ITPR1: variants seen among roughly 807,000 people sequenced by gnomAD.
ITPR1 encodes inositol 1,4,5-trisphosphate-gated calcium channel ITPR1.
A neutral mutation model predicts 318.4 loss-of-function variants in ITPR1; 96 were observed. The ratio of observed to expected loss-of-function variants is 0.30; its 90% CI spans 0.26 to 0.36. The LOEUF is 0.36. Ranked by LOEUF, ITPR1 falls within the 10% of genes least tolerant of loss-of-function variation. ITPR1 has a pLI of 1.00. For synonymous variants in ITPR1, 1,312 were observed against 1,289.9 expected, an observed-to-expected ratio of 1.02 and a Z score of -0.37; for missense variants, 2,440 against 3,460.2, an observed-to-expected ratio of 0.71 and a Z score of 7.40.
chr3:4,603,290 A>G (rs1351504719), intron 4 of ITPR1, among the ~76,000 whole-genome samples: 1 of 152,076 alleles, frequency 6.6e-6, no homozygotes, highest in Non-Finnish European at 1.5e-5. Flanking sequence ...GGTTTATTAC[A>G]TGAGTATATT....
At chr3:4,549,648 T>C (rs2124995431) in intron 4 of ITPR1, among the ~76,000 whole-genome samples, 2 of 152,260 alleles carry the variant, frequency 1.3e-5, no homozygotes, top group Non-Finnish European at 2.9e-5. Flanking sequence ...ATCTGAAAAG[T>C]GGGGCTGCCG....
At chr3:4,715,956 C>G (rs566516623) in intron 39 of ITPR1, among the ~76,000 whole-genome samples, 5 of 152,142 alleles carry the variant, frequency 3.3e-5, no homozygotes, top group Non-Finnish European at 4.4e-5. Context: ...TAAAAAAAAT[C>G]TTTAATTCTT....
chr3:4,754,024 G>A (rs754153586), intron 44 of ITPR1, among the ~76,000 whole-genome samples: 6 of 139,792 alleles, frequency 4.3e-5, no homozygotes, highest in South Asian at 5.1e-4. Context: ...TCACTGAGCC[G>A]TGTGACTGCA....
At chr3:4,583,878 C>G (rs1337936008) in intron 4 of ITPR1, among the ~76,000 whole-genome samples, 1 of 152,158 alleles carries the variant, frequency 6.6e-6, no homozygotes, top group Non-Finnish European at 1.5e-5. Flanking sequence ...GTTTACACAT[C>G]AGATACATAG....
intron 46 of ITPR1, among the ~76,000 whole-genome samples, chr3:4,769,849 A>G (rs760717015): frequency 2.8e-4 from 43 of 152,202 alleles, no homozygotes; most frequent in Admixed American, 3.9e-4. Context: ...CCGAGGATGG[A>G]TCGTAGAGAT....
chr3:4,681,345 G>A lies in ITPR1; in HGVS notation c.3107-19G>A, dbSNP rs748580428. 10 of 1,592,878 alleles carry A rather than the reference G, an allele frequency of 6.3e-6. No individual in the cohort carries two copies. The highest frequency in any genetic ancestry group is 8.6e-6 in the Non-Finnish European group (10 of 1,160,926). ...TGCAGACCTTCCTGCATCTGAAGTG[G>A]TATGTTCTAACTTTTCAGGTGCTCT... is the stretch of plus-strand genomic sequence containing the variant. On this transcript the variant is annotated intron_variant, in intron 25 of 61. Transcript: ENST00000649015.
At chr3:4,814,735 G>T in intron 58 of ITPR1, 173 bp downstream of exon 58, 2 of 669,016 alleles carry the variant, frequency 3.0e-6, no homozygotes, top group South Asian at 2.0e-5. Context: ...CACGTGAGGT[G>T]GTGCCGCAAA....
chr3:4,533,303 A>C (rs1007644574), intron 4 of ITPR1, among the ~76,000 whole-genome samples: 7 of 152,200 alleles, frequency 4.6e-5, no homozygotes, highest in African/African-American at 1.7e-4. Context: ...CTGGGGAGAC[A>C]CTACAGCGTG....
chr3:4,550,154 A>C (rs2085413186), intron 4 of ITPR1, among the ~76,000 whole-genome samples: 1 of 152,016 alleles, frequency 6.6e-6, no homozygotes, highest in South Asian at 2.1e-4. Flanking sequence ...CCAGAAAGCT[A>C]TTCTCGGTGG....
chr3:4,649,490 G>A (rs1438144207), intron 10 of ITPR1, among the ~76,000 whole-genome samples: 1 of 152,160 alleles, frequency 6.6e-6, no homozygotes, highest in African/African-American at 2.4e-5. Context: ...ATGCTCATTA[G>A]CAGTCATTCC....
intron 4 of ITPR1, among the ~76,000 whole-genome samples, chr3:4,561,214 A>T (rs1194339160): frequency 1.3e-5 from 2 of 152,198 alleles, no homozygotes; most frequent in Admixed American, 6.5e-5. Context: ...CTAGTAGCTG[A>T]TTCTTTCTGG....
intron 44 of ITPR1, among the ~76,000 whole-genome samples, chr3:4,754,277 A>AT (rs1463620963): frequency 6.6e-6 from 1 of 152,136 alleles, no homozygotes; most frequent in Non-Finnish European, 1.5e-5. Flanking sequence ...TGCCACCCCC[A>AT]TGGAGGAACA....
At chr3:4,808,858 C>T (rs1456075798) in intron 55 of ITPR1, among the ~76,000 whole-genome samples, 2 of 144,248 alleles carry the variant, frequency 1.4e-5, no homozygotes, top group South Asian at 2.1e-4. Context: ...TAAACTGCTG[C>T]CCCCCCTCCC....
At chr3:4,733,051 A>G in intron 42 of ITPR1, 37 bp from the exon 43 acceptor site, 1 of 1,598,232 alleles carries the variant, frequency 6.3e-7, no homozygotes, top group Non-Finnish European at 8.5e-7. Context: ...GATGCATTAA[A>G]TGCAGAAGCT....
At chr3:4,773,092 G>A (rs1056117639) in intron 46 of ITPR1, among the ~76,000 whole-genome samples, 2 of 152,330 alleles carry the variant, frequency 1.3e-5, no homozygotes, top group Non-Finnish European at 2.9e-5. Context: ...TGAGTTGATC[G>A]GTCCCTCTGT....
At chr3:4,581,948 A>AT (rs35208300) in intron 4 of ITPR1, among the ~76,000 whole-genome samples, 25,007 of 147,330 alleles carry the variant, frequency 0.17, 3,669 homozygotes, top group East Asian at 0.47. Flanking sequence ...TTTTTTTAGG[A>AT]TTTTTTTTTT....
chr3:4,514,850 C>T (rs1159164497), intron 2 of ITPR1, among the ~76,000 whole-genome samples: 2 of 152,148 alleles, frequency 1.3e-5, no homozygotes, highest in Non-Finnish European at 2.9e-5. Flanking sequence ...TTTGTGCCGC[C>T]TTTCTGGATG....
chr3:4,567,685 A>G (rs1575559757), intron 4 of ITPR1, among the ~76,000 whole-genome samples: 1 of 151,768 alleles, frequency 6.6e-6, no homozygotes, highest in South Asian at 2.1e-4. Flanking sequence ...GCTCACTGCA[A>G]CCTCCTCCTG....
At chr3:4,627,968 A>T in intron 5 of ITPR1, 90 bp downstream of exon 5, 1 of 732,528 alleles carries the variant, frequency 1.4e-6, no homozygotes, top group Non-Finnish European at 2.2e-6. Flanking sequence ...TGCTTATGCA[A>T]CCCTCCAATT....
Sources: gnomAD v4.1 joint callset for allele counts (sites outside exome capture counted in the v4.1 genomes callset) on GRCh38, gnomAD v4.1.1 for gene constraint, MANE v1.5 for transcripts, NCBI Gene and HGNC (gene_info 2026-07-23, HGNC 2026-07-21) for gene names.